The following KLHL2 variants were observed in gnomAD, a reference collection of about 807,000 sequenced individuals.
The protein encoded by KLHL2 is kelch-like protein 2.
In KLHL2, 15 loss-of-function variants were observed where a neutral mutation model predicts 75.8. The observed-to-expected ratio is 0.20, with a 90% confidence interval of 0.13 to 0.30. The LOEUF is 0.30. Among genes scored for constraint, KLHL2 ranks in the 10% least tolerant of loss-of-function variants. KLHL2 has a pLI of 1.00. For synonymous variants in KLHL2, 214 were observed against 251.9 expected (o/e 0.85, Z 1.42); for missense variants, 381 against 741.0 (o/e 0.51, Z 5.64).
chr4:165,310,867 T>C, intron 10 of KLHL2, 117 bp downstream of exon 10: 1 of 829,502 alleles, frequency 1.2e-6, no homozygotes, highest in East Asian at 2.5e-5. Flanking sequence ...TTTTTTTTTT[T>C]TTTTTGAGAT....
At chr4:165,238,981 A>G (rs3817232) in intron 4 of KLHL2, 82 bp downstream of exon 4, 46 of 1,502,790 alleles carry the variant, frequency 3.1e-5, no homozygotes, top group African/African-American at 2.7e-4. Context: ...ACAGTATACA[A>G]TTTGCACCAA....
chr4:165,276,278 C>T (rs1291101824), intron 5 of KLHL2, among the ~76,000 whole-genome samples: 6 of 152,354 alleles, frequency 3.9e-5, no homozygotes, highest in African/African-American at 1.4e-4. Context: ...GCACCCCTCA[C>T]TGTCCAGCTT....
At chr4:165,278,882 C>T (rs760399953) in intron 5 of KLHL2, 13 of 1,475,802 alleles carry the variant, frequency 8.8e-6, no homozygotes, top group Non-Finnish European at 1.2e-5. Flanking sequence ...CCCTAAACAC[C>T]CAGATATTGG....
intron 6 of KLHL2, 40 bp from the exon 7 acceptor site, chr4:165,297,569 A>G (rs1370425623): frequency 8.4e-7 from 1 of 1,189,162 alleles, no homozygotes; most frequent in Admixed American, 1.7e-5. Flanking sequence ...TTGATACACA[A>G]CTCATTTCTT....
intron 5 of KLHL2, chr4:165,277,891 A>G (rs1560796367): frequency 3.6e-6 from 3 of 839,876 alleles, no homozygotes; most frequent in Non-Finnish European, 6.3e-6. Flanking sequence ...ATCAAAGTCT[A>G]TGAATAGTGT....
At chr4:165,320,261 A>G (rs113619180) in intron 14 of KLHL2, among the ~76,000 whole-genome samples, 3 of 152,318 alleles carry the variant, frequency 2.0e-5, no homozygotes, top group African/African-American at 7.2e-5. Flanking sequence ...TATGATTTGG[A>G]CTGCTCTTAT....
At position 165,253,062 on chromosome 4, in the gene KLHL2, C is replaced by T. The variant is rs995471050; in HGVS notation, c.382-10135C>T. Among the ~76,000 whole-genome samples the T allele has an allele frequency of 2.4e-4, 37 of 152,288 alleles. 1 individual carries two copies. Among genetic ancestry groups the T allele is most frequent in the Admixed American group, 1.7e-3 (26 of 15,290 alleles). Reference sequence around the variant, plus strand: ...TTTTTATTTTTTTGAGACGGAGTCTCGCTCTGTTGCCCAGGCTGGAATGCA... The same window carrying T: ...TTTTTATTTTTTTGAGACGGAGTCTTGCTCTGTTGCCCAGGCTGGAATGCA... On this transcript the variant is annotated intron_variant, in intron 4 of 14. Transcript: ENST00000226725.
rs1738633573 is a variant in KLHL2 at position 165,228,494 on chromosome 4, C to G, written c.153-313C>G. Among the ~76,000 whole-genome samples the G allele has an allele frequency of 1.3e-5, 2 of 152,088 alleles. 1 individual carries two copies. Among genetic ancestry groups the G allele is most frequent in the South Asian group, 4.2e-4 (2 of 4,818 alleles). The stretch of plus-strand genomic sequence containing the variant: ...TGCCACTACTTCTTATTCAGACACC[C>G]TCTTCTTTTGCAGTCCATTGATGGT... On this transcript the variant is annotated intron_variant, in intron 2 of 14. Coordinates refer to ENST00000226725, the MANE Select transcript of KLHL2 (RefSeq NM_007246.4).
chr4:165,306,951 A>G (rs887845852), intron 9 of KLHL2, among the ~76,000 whole-genome samples: 2 of 152,222 alleles, frequency 1.3e-5, no homozygotes, highest in African/African-American at 4.8e-5. Flanking sequence ...ATAGAAAGCC[A>G]TATGCCAAAG....
intron 4 of KLHL2, among the ~76,000 whole-genome samples, chr4:165,245,133 G>A (rs1223139580): frequency 3.3e-5 from 5 of 152,110 alleles, no homozygotes; most frequent in African/African-American, 7.2e-5. Flanking sequence ...GCTTGAACCC[G>A]GGAGGTGGAG....
intron 7 of KLHL2, 81 bp downstream of exon 7, chr4:165,297,806 G>A (rs1579150463): frequency 2.3e-6 from 2 of 869,202 alleles, no homozygotes; most frequent in East Asian, 2.4e-5. Context: ...ATCAAGCAGT[G>A]ATAAGAGCTG....
Position 165,270,841 on chromosome 4 carries a change from C to G in KLHL2, c.544+7482C>G, listed in dbSNP as rs185531848. 8.9e-4 allele frequency among the ~76,000 whole-genome samples: 136 copies of G among 152,294 alleles called. 1 individual carries two copies. The highest frequency in any genetic ancestry group is 2.9e-3 in the African/African-American group (120 of 41,556). ...AGCTCAAACGCCATGCTGAGAGAAC[C>G]ACTGCTCTCTTCAGAGATGTCAAAC... On this transcript the variant is annotated intron_variant, in intron 5 of 14. Transcript: ENST00000226725.
intron 4 of KLHL2, among the ~76,000 whole-genome samples, chr4:165,253,264 T>G (rs1740888039): frequency 6.6e-6 from 1 of 152,072 alleles, no homozygotes; most frequent in Admixed American, 6.5e-5. Context: ...GAACTCCTGA[T>G]CTCAGGTGAT....
intron 9 of KLHL2, among the ~76,000 whole-genome samples, chr4:165,307,116 T>C (rs28706953): frequency 1.1e-3 from 160 of 152,292 alleles, no homozygotes; most frequent in African/African-American, 3.7e-3. Flanking sequence ...GAGACCAGCC[T>C]GGCCAACATG....
In KLHL2 at chr4:165,278,801, C is replaced by T. The variant is rs1446444054; in HGVS notation, c.544+15442C>T. The T allele has an allele frequency of 2.0e-6, 3 of 1,536,976 alleles. No homozygotes were observed. The African/African-American group carries it at 4.1e-5, about 21-fold the overall frequency. ...GCCTGTATTACATAGTAAGAAACAT[C>T]CTGTTCCATACGTATTTTTGGCTTG... is the stretch of plus-strand genomic sequence containing the variant. On this transcript the variant is annotated intron_variant, in intron 5 of 14. Transcript: ENST00000226725.
At chr4:165,226,993 G>A (rs550096427) in intron 2 of KLHL2, among the ~76,000 whole-genome samples, 87 of 152,300 alleles carry the variant, frequency 5.7e-4, no homozygotes, top group African/African-American at 1.8e-3. Flanking sequence ...CTCTTGCATA[G>A]TACCTTCCTG....
chr4:165,314,915 C>A (rs1459058528), intron 13 of KLHL2, among the ~76,000 whole-genome samples: 1 of 152,090 alleles, frequency 6.6e-6, no homozygotes, highest in Non-Finnish European at 1.5e-5. Context: ...TTACTGTACA[C>A]CATTGGACAC....
intron 4 of KLHL2, among the ~76,000 whole-genome samples, chr4:165,262,506 AAG>A (rs1307636467): frequency 2.0e-5 from 3 of 152,204 alleles, no homozygotes; most frequent in Non-Finnish European, 4.4e-5. Context: ...TGCTTGAACT[AAG>A]AGAACAAAAC....
At chr4:165,305,774 G>A (rs762486042) in intron 9 of KLHL2, 49 bp downstream of exon 9, 104 of 1,265,718 alleles carry the variant, frequency 8.2e-5, no homozygotes, top group Non-Finnish European at 1.2e-4. Flanking sequence ...GTCATTGGGA[G>A]CTTCTTTTTC....
Sources: gnomAD v4.1 joint callset for allele counts (sites outside exome capture counted in the v4.1 genomes callset) on GRCh38, gnomAD v4.1.1 for gene constraint, MANE v1.5 for transcripts, NCBI Gene and HGNC (gene_info 2026-07-23, HGNC 2026-07-21) for gene names.